The following STARD9 variants were observed in gnomAD, a reference collection of about 807,000 sequenced individuals.
The protein encoded by STARD9 is StAR related lipid transfer domain containing 9, also known as stAR-related lipid transfer protein 9.
In STARD9, 346 loss-of-function variants were observed where a neutral mutation model predicts 399.8. That is an observed-to-expected ratio of 0.87 (90% CI 0.79 to 0.95). The LOEUF is 0.95. Ranked by LOEUF, STARD9 falls within the 40% of genes least tolerant of loss-of-function variation. STARD9 has a pLI of 0.00. For missense variants in STARD9, 5,832 were observed against 5,667.5 expected (o/e 1.03, Z -0.93); for synonymous variants, 2,203 against 2,143.5 (o/e 1.03, Z -0.77).
intron 20 of STARD9, among the ~76,000 whole-genome samples, chr15:42,678,278 C>T (rs1046186570): frequency 6.6e-6 from 1 of 152,164 alleles, no homozygotes; most frequent in Admixed American, 6.5e-5. Context: ...ACGAGTCTCT[C>T]CCTCTGCTCT....
At chr15:42,595,227 AG>A (rs1348828765) in intron 3 of STARD9, among the ~76,000 whole-genome samples, 1 of 152,060 alleles carries the variant, frequency 6.6e-6, no homozygotes, top group Non-Finnish European at 1.5e-5. Context: ...GAGCTCACAG[AG>A]GGGTGGGCAC....
intron 14 of STARD9, among the ~76,000 whole-genome samples, chr15:42,665,545 G>A (rs1208583859): frequency 6.6e-6 from 1 of 152,160 alleles, no homozygotes; most frequent in Non-Finnish European, 1.5e-5. Context: ...CTCTTGTCTT[G>A]TGCCTGGATG....
Position 42,638,798 on chromosome 15 carries a change from G to A in STARD9, c.545G>A (p.Gly182Glu), listed in dbSNP as rs956928280. The change falls in exon 7 of 33, where the codon GGG becomes GAG. Residue 182 changes from glycine (G) to glutamate (E), a missense_variant. Gly to Glu is a moderately conservative substitution (Grantham distance 98). Coordinates refer to ENST00000290607, the MANE Select transcript of STARD9 (RefSeq NM_020759.3). ...TLRVREHPEM[G>E]PYVQGLSQHV... ...CGGGTCAGGGAGCATCCAGAGATGGGGCCCTATGTACAAGGTGAGCTACTG... is the reference window on the plus strand; with the variant it reads ...CGGGTCAGGGAGCATCCAGAGATGGAGCCCTATGTACAAGGTGAGCTACTG... 1.6e-5 allele frequency: 24 copies of A among 1,533,770 alleles called. No homozygotes were observed. In the African/African-American group the frequency reaches 3.2e-4, roughly 20 times the overall value.
chr15:42,602,021 A>G (rs2058640687), intron 3 of STARD9, among the ~76,000 whole-genome samples: 1 of 152,006 alleles, frequency 6.6e-6, no homozygotes, highest in African/African-American at 2.4e-5. Flanking sequence ...TCGTTTTTAT[A>G]TTTTTAGTAG....
chr15:42,718,881 G>T lies in STARD9; in HGVS notation c.13972G>T (p.Glu4658Ter). 6.5e-7 allele frequency: 1 copy of T among 1,537,232 alleles called. No individual in the cohort carries two copies. Among genetic ancestry groups the T allele is most frequent in the Non-Finnish European group, 8.7e-7 (1 of 1,146,894 alleles). Residue 4658 changes from glutamate (E) to a stop codon, truncating the protein, a stop_gained, in exon 32 of 33, where the codon GAA (glutamate) becomes TAA (stop). Coordinates refer to ENST00000290607, the MANE Select transcript of STARD9 (RefSeq NM_020759.3). LOFTEE classifies it high-confidence loss of function. ...ILQPITVEGKEVTRVIYLAQV... is the reference protein window; with the variant it reads ...ILQPITVEGK ...GCAGCCCATCACTGTGGAAGGGAAGGAAGTCACCAGAGTCATCTACTTGGC... is the reference window on the plus strand; with the variant it reads ...GCAGCCCATCACTGTGGAAGGGAAGTAAGTCACCAGAGTCATCTACTTGGC...
At position 42,693,385 on chromosome 15, in the gene STARD9, C is replaced by G; in HGVS notation, c.11807C>G (p.Ser3936Cys). The change falls in exon 23 of 33, where the codon TCC becomes TGC. Residue 3936 changes from serine (S) to cysteine (C), a missense_variant. This residue lies in a region of STARD9 where 5,828 missense variants were observed against 5,651.1 expected (regional missense o/e 1.03). Transcript: ENST00000290607. ...HPVEGHQKLD[S>C]SPDPVDAPRT... ...GTTGAAGGCCACCAGAAGCTTGACT[C>G]CAGCCCAGACCCTGTTGATGCCCCA... The G allele has an allele frequency of 6.5e-7, 1 of 1,537,174 alleles. No individual in the cohort carries two copies.
intron 3 of STARD9, among the ~76,000 whole-genome samples, chr15:42,587,819 C>T (rs1253685291): frequency 6.6e-6 from 1 of 152,156 alleles, no homozygotes; most frequent in Non-Finnish European, 1.5e-5. Context: ...CTCACCTCAG[C>T]CTCCTAAAGT....
chr15:42,596,058 G>A (rs2058497629), intron 3 of STARD9, among the ~76,000 whole-genome samples: 2 of 152,168 alleles, frequency 1.3e-5, no homozygotes, highest in Admixed American at 1.3e-4. Context: ...AATGAACAGT[G>A]GAAACTAGAG....
At position 42,684,735 on chromosome 15, in the gene STARD9, A is replaced by C; in HGVS notation, c.3157A>C (p.Arg1053=). The part of the protein sequence containing the change: ...RHQRVLATRV[R]NITKKSSHLP... ...TCAGAGGGTTCTGGCAACTAGGGTCAGAAATATTACCAAAAAGTCCTCTCA... is the reference window on the plus strand; with the variant it reads ...TCAGAGGGTTCTGGCAACTAGGGTCCGAAATATTACCAAAAAGTCCTCTCA... The change falls in exon 23 of 33, where the codon AGA becomes CGA. Residue 1053 remains arginine, a synonymous_variant. Coordinates refer to ENST00000290607, the MANE Select transcript of STARD9 (RefSeq NM_020759.3). 6.5e-7 allele frequency: 1 copy of C among 1,537,254 alleles called. No individual in the cohort carries two copies. Among genetic ancestry groups the C allele is most frequent in the South Asian group, 1.2e-5 (1 of 84,062 alleles).
chr15:42,601,591 C>T (rs2058631996), intron 3 of STARD9, among the ~76,000 whole-genome samples: 1 of 150,902 alleles, frequency 6.6e-6, no homozygotes, highest in African/African-American at 2.4e-5. Flanking sequence ...CCCCCACCTC[C>T]CGGACGGGGC....
chr15:42,697,011 A>G (rs1372959291), intron 26 of STARD9, among the ~76,000 whole-genome samples: 4 of 152,200 alleles, frequency 2.6e-5, no homozygotes, highest in Non-Finnish European at 5.9e-5. Flanking sequence ...TACAAATACA[A>G]CGTCATTTAA....
chr15:42,693,405 G>T lies in STARD9; in HGVS notation c.11827G>T (p.Ala3943Ser), dbSNP rs1362715115. Residue 3943 changes from alanine (A) to serine (S), a missense_variant, in exon 23 of 33, where the codon GCC becomes TCC. Physicochemically the swap from Ala to Ser is moderately conservative, Grantham distance 99. This residue lies in a region of STARD9 where 5,828 missense variants were observed against 5,651.1 expected (regional missense o/e 1.03). Coordinates refer to ENST00000290607, the MANE Select transcript of STARD9 (RefSeq NM_020759.3). ...TGACTCCAGCCCAGACCCTGTTGAT[G>T]CCCCAAGGACTCCAATGGATAATTA... ...KLDSSPDPVD[A>S]PRTPMDNYSQ... 1.2e-5 allele frequency: 18 copies of T among 1,537,054 alleles called. No individual in the cohort carries two copies. Among genetic ancestry groups the T allele is most frequent in the Non-Finnish European group, 1.5e-5 (17 of 1,146,894 alleles).
Position 42,687,644 on chromosome 15 carries a change from A to C in STARD9, c.6066A>C (p.Ser2022=). Residue 2022 remains serine, a synonymous_variant, in exon 23 of 33, where the codon TCA becomes TCC. Coordinates refer to ENST00000290607, the MANE Select transcript of STARD9 (RefSeq NM_020759.3). ...PQERNPSECK[S]QEMLNPNREP... is the part of the protein sequence containing the mutation. ...AAAGAAACCCCAGTGAATGCAAGTCACAAGAAATGTTAAATCCCAACAGAG... is the reference window on the plus strand; with the variant it reads ...AAAGAAACCCCAGTGAATGCAAGTCCCAAGAAATGTTAAATCCCAACAGAG... 1 of 1,537,178 alleles carries C rather than the reference A, an allele frequency of 6.5e-7. No homozygotes were observed. Among genetic ancestry groups the C allele is most frequent in the African/African-American group, 1.4e-5 (1 of 73,188 alleles).
intron 7 of STARD9, among the ~76,000 whole-genome samples, chr15:42,640,919 A>G (rs377490869): frequency 1.1e-4 from 16 of 152,232 alleles, no homozygotes; most frequent in African/African-American, 3.9e-4. Flanking sequence ...ACAGAAAACA[A>G]TGAAATCTGG....
At chr15:42,581,445 C>T (rs917933991) in intron 1 of STARD9, 3 of 1,531,774 alleles carry the variant, frequency 2.0e-6, no homozygotes, top group Admixed American at 3.4e-5. Flanking sequence ...GGGGAAGGCG[C>T]GGCTCTGGCT....
rs563300061 is a variant in STARD9 at position 42,626,872 on chromosome 15, C to T, written c.235-7984C>T. ...TATCAGTTTTTTTTTTTCAAGACAG[C>T]GTCTCTCTCTGTCACCCCAGGTAGA... On this transcript the variant is annotated intron_variant, in intron 3 of 32. Coordinates refer to ENST00000290607, the MANE Select transcript of STARD9 (RefSeq NM_020759.3). Among the ~76,000 whole-genome samples the T allele has an allele frequency of 6.0e-5, 9 of 150,680 alleles. No individual in the cohort carries two copies. The Admixed American group carries it at 6.0e-4, about 10-fold the overall frequency.
At chr15:42,699,031 T>A (rs201972477) in intron 26 of STARD9, among the ~76,000 whole-genome samples, 2 of 141,054 alleles carry the variant, frequency 1.4e-5, no homozygotes, top group Admixed American at 7.1e-5. Flanking sequence ...TTAAAAAAAA[T>A]TGTCTTATTT....
intron 3 of STARD9, among the ~76,000 whole-genome samples, chr15:42,609,882 C>T (rs1005961870): frequency 6.6e-6 from 1 of 151,984 alleles, no homozygotes; most frequent in African/African-American, 2.4e-5. Context: ...CACTTGAGGT[C>T]AGGAGTTCCA....
In STARD9 at chr15:42,691,646, C is replaced by T; in HGVS notation, c.10068C>T (p.Asn3356=). 6.5e-7 allele frequency: 1 copy of T among 1,537,278 alleles called. No individual in the cohort carries two copies. The highest frequency in any genetic ancestry group is 1.2e-5 in the South Asian group (1 of 84,062). ...CAGACGAAGATACACAGGGGCCTAA[C>T]AGATTGTGGAACCCACATCTCAGGG... is the stretch of plus-strand genomic sequence containing the variant. ...SPTDEDTQGP[N]RLWNPHLRGY... Residue 3356 remains asparagine, a synonymous_variant, in exon 23 of 33, where the codon AAC becomes AAT. Transcript: ENST00000290607.
Sources: allele counts gnomAD v4.1 joint callset (sites outside exome capture counted in the v4.1 genomes callset), GRCh38; gene constraint gnomAD v4.1.1; regional missense constraint gnomAD v4.1.1; transcripts MANE v1.5; gene names NCBI Gene and HGNC (gene_info 2026-07-23, HGNC 2026-07-21).